Variants in PIF1 observed in about 807,000 individuals in gnomAD.
The protein encoded by PIF1 is PIF1 5'-to-3' DNA helicase.
In PIF1, 67 loss-of-function variants were observed where a neutral mutation model predicts 62.3. The observed-to-expected ratio is 1.08, with a 90% CI of 0.88 to 1.32. The LOEUF (loss-of-function observed/expected upper bound fraction) is 1.32. Ranked by LOEUF, PIF1 falls within the 40% of genes most tolerant of loss-of-function variation. The pLI is 0.00. For missense variants in PIF1, 886 were observed against 866.1 expected (o/e 1.02, Z -0.29); for synonymous variants, 364 against 379.5 (o/e 0.96, Z 0.47).
At chr15:64,825,083 AG>A (rs1251861360) in intron 1 of PIF1, among the ~76,000 whole-genome samples, 1 of 151,622 alleles carries the variant, frequency 6.6e-6, no homozygotes, top group Admixed American at 6.6e-5. Context: ...AGGATTAGGG[AG>A]CCTCAGGTGT....
chr15:64,820,073 A>G, intron 7 of PIF1, 87 bp from the exon 8 acceptor site: 1 of 1,516,900 alleles, frequency 6.6e-7, no homozygotes. Context: ...GCAGCAGGCC[A>G]TGGGTCAGGC....
chr15:64,818,672 G>C (rs1243545437), intron 9 of PIF1: 1 of 359,016 alleles, frequency 2.8e-6, no homozygotes, highest in Admixed American at 4.6e-5. Flanking sequence ...CAGATCTTGA[G>C]GGATGGCCTC....
At chr15:64,824,550 T>G (rs1028169243) in intron 1 of PIF1, among the ~76,000 whole-genome samples, 196 bp from the exon 2 acceptor site, 53 of 152,150 alleles carry the variant, frequency 3.5e-4, no homozygotes, top group African/African-American at 1.3e-3. Flanking sequence ...AAATCCACCC[T>G]TAGAATATGC....
Position 64,816,719 on chromosome 15 carries a change from G to T in PIF1, c.1721C>A (p.Ala574Asp). The T allele has an allele frequency of 6.2e-7, 1 of 1,610,768 alleles. No individual in the cohort carries two copies. The highest frequency in any genetic ancestry group is 8.5e-7 in the Non-Finnish European group (1 of 1,179,056). ...CVEISLGRVF[A>D]SGQAYVALSR... ...AAGGGCCACATAGGCCTGGCCACTG[G>T]CAAACACACGGCCCAGAGAAATCTC... The change falls in exon 12 of 13, where the codon GCC becomes GAC. Residue 574 changes from alanine (A) to aspartate (D), a missense_variant. Ala to Asp is a moderately radical substitution (Grantham distance 126). Coordinates refer to ENST00000559239, the MANE Select transcript of PIF1 (RefSeq NM_001286496.2).
Position 64,816,180 on chromosome 15 carries a change from A to G in PIF1, c.*118T>C. ...GCCAGGAGGCTGAGAGTCCCTAAAAAATACAGAAGGGGACACTGCCTGCCT... is the reference window on the plus strand; with the variant it reads ...GCCAGGAGGCTGAGAGTCCCTAAAAGATACAGAAGGGGACACTGCCTGCCT... On this transcript the variant is annotated 3_prime_UTR_variant, in exon 13 of 13. Transcript: ENST00000559239. The G allele has an allele frequency of 2.6e-6, 4 of 1,538,940 alleles. No individual in the cohort carries two copies. Among genetic ancestry groups the G allele is most frequent in the Non-Finnish European group, 3.5e-6 (4 of 1,144,628 alleles).
intron 4 of PIF1, 36 bp from the exon 5 acceptor site, chr15:64,821,556 A>C: frequency 6.8e-7 from 1 of 1,467,666 alleles, no homozygotes; most frequent in Non-Finnish European, 9.1e-7. Flanking sequence ...GCTAATACCC[A>C]AAGCCTCTCT....
In PIF1 at chr15:64,824,187, C is replaced by T. The variant is rs1160367187; in HGVS notation, c.149G>A (p.Arg50His). 32 of 1,343,542 alleles carry T rather than the reference C, an allele frequency of 2.4e-5. No individual in the cohort carries two copies. Among genetic ancestry groups the T allele is most frequent in the Non-Finnish European group, 2.9e-5 (30 of 1,043,474 alleles). The allele number at this position is 1,343,542 out of a possible 1,614,324, so 83.2% of individuals were successfully genotyped here. Residue 50 changes from arginine to histidine, a missense_variant, in exon 2 of 13, where the codon CGC becomes CAC. By Grantham distance (29) the Arg-to-His change is conservative. Transcript: ENST00000559239. ...TTGCAGCCGCAGCATCAACTCGCGG[C>T]GCTCGTTGCGACCCAGGCTCAGCTC... ...TAELSLGRNE[R>H]RELMLRLQAP...
At chr15:64,821,713 A>G (rs1469349112) in intron 4 of PIF1, 193 bp from the exon 5 acceptor site, 1 of 576,662 alleles carries the variant, frequency 1.7e-6, no homozygotes, top group Non-Finnish European at 2.9e-6. Flanking sequence ...CTGGGACTAC[A>G]GGCACACACC....
At chr15:64,825,391 T>C (rs1357442324) in intron 1 of PIF1, among the ~76,000 whole-genome samples, 178 bp downstream of exon 1, 2 of 152,064 alleles carry the variant, frequency 1.3e-5, no homozygotes, top group African/African-American at 2.4e-5. Flanking sequence ...TCAAAGTCAG[T>C]GTGATTCCCA....
chr15:64,815,877 C>T lies in PIF1; in HGVS notation c.*421G>A. The T allele has an allele frequency of 6.4e-7, 1 of 1,550,616 alleles. No homozygotes were observed. Among genetic ancestry groups the T allele is most frequent in the Non-Finnish European group, 8.7e-7 (1 of 1,146,992 alleles). On this transcript the variant is annotated 3_prime_UTR_variant, in exon 13 of 13. Coordinates refer to ENST00000559239, the MANE Select transcript of PIF1 (RefSeq NM_001286496.2). ...TGGAGGCTGCACCCAGCCTGAGTCCCCACCAGTCCCCTCCAAGAGCCCTGA... is the reference window on the plus strand; with the variant it reads ...TGGAGGCTGCACCCAGCCTGAGTCCTCACCAGTCCCCTCCAAGAGCCCTGA...
chr15:64,818,804 G>A (rs1361621084), intron 9 of PIF1: 11 of 330,242 alleles, frequency 3.3e-5, no homozygotes, highest in Non-Finnish European at 6.0e-5. Flanking sequence ...TGTTTATAAA[G>A]TATACTACAG....
At chr15:64,826,647 T>C (rs1322518457), upstream of PIF1, among the ~76,000 whole-genome samples, 31 of 34,626 alleles carry the variant, frequency 9.0e-4, 2 homozygotes, top group Non-Finnish European at 1.1e-3. Flanking sequence ...TATATATATA[T>C]ATATATATAT....
At chr15:64,818,793 C>T (rs1002347437) in intron 9 of PIF1, 4 of 320,128 alleles carry the variant, frequency 1.2e-5, no homozygotes, top group Non-Finnish European at 2.3e-5. Context: ...GGACTGTCTC[C>T]TGTTTATAAA....
chr15:64,824,160 G>A lies in PIF1; in HGVS notation c.176C>T (p.Ala59Val). Residue 59 changes from alanine to valine, a missense_variant, in exon 2 of 13, where the codon GCG (alanine) becomes GTG (valine). Transcript: ENST00000559239. ...GCGCGGCCGCCCCGCGGGCCCTGGC[G>A]CTTGCAGCCGCAGCATCAACTCGCG... The part of the protein sequence containing the change: ...ERRELMLRLQ[A>V]PGPAGRPRCF... 2 of 1,311,664 alleles carry A rather than the reference G, an allele frequency of 1.5e-6. No homozygotes were observed. Among genetic ancestry groups the A allele is most frequent in the South Asian group, 2.2e-5 (1 of 46,278 alleles). 81.3% of individuals were successfully genotyped at this position (1,311,664 alleles called of 1,614,324 possible).
chr15:64,818,930 T>C (rs1301525048), intron 9 of PIF1, 187 bp downstream of exon 9: 1 of 480,738 alleles, frequency 2.1e-6, no homozygotes, highest in Non-Finnish European at 3.6e-6. Flanking sequence ...CCTCCTGGTG[T>C]AGGAAGAGAA....
At chr15:64,821,998 C>T (rs1230357733) in intron 4 of PIF1, 1 of 432,596 alleles carries the variant, frequency 2.3e-6, no homozygotes, top group Non-Finnish European at 4.1e-6. Context: ...CCTCGGCCTC[C>T]CAAAGTGCTG....
At chr15:64,821,620 G>C in intron 4 of PIF1, 100 bp from the exon 5 acceptor site, 3 of 1,369,616 alleles carry the variant, frequency 2.2e-6, no homozygotes, top group Non-Finnish European at 2.9e-6. Flanking sequence ...CACCCAGGCT[G>C]AAGTGCAGTG....
rs746779983 is a variant in PIF1, at chr15:64,816,325, G to A, written c.1899C>T (p.Asp633=). ...ESPDDDEAAS[D]QENMDPIL ...AGAGGATTGGGTCCATGTTCTCCTG[G>A]TCTGAGGCTGCCTCATCATCATCTG... The change falls in exon 13 of 13, where the codon GAC becomes GAT. Residue 633 remains aspartate (D), a synonymous_variant. Transcript: ENST00000559239. 5.6e-6 allele frequency: 9 copies of A among 1,614,058 alleles called. No individual in the cohort carries two copies. Among genetic ancestry groups the A allele is most frequent in the Non-Finnish European group, 7.6e-6 (9 of 1,180,004 alleles).
Position 64,817,955 on chromosome 15 carries a change from G to C in PIF1, c.1665C>G (p.His555Gln). The change falls in exon 11 of 13, where the codon CAC becomes CAG. Residue 555 changes from histidine (H) to glutamine (Q), a missense_variant. Transcript: ENST00000559239. The stretch of plus-strand genomic sequence containing the variant: ...CCACACCGGTGCTCACTTGGCTCTT[G>C]TGGATGGACATCGCCCAGGCCAGCT... ...PLQLAWAMSI[H>Q]KSQGMTLDCV... is the part of the protein sequence containing the mutation. 1 of 1,612,002 alleles carries C rather than the reference G, an allele frequency of 6.2e-7. No individual in the cohort carries two copies.
Sources: gnomAD v4.1 joint callset for allele counts (sites outside exome capture counted in the v4.1 genomes callset) on GRCh38, gnomAD v4.1.1 for gene constraint, MANE v1.5 for transcripts, NCBI Gene and HGNC (gene_info 2026-07-23, HGNC 2026-07-21) for gene names.